Variants in ADAMTS7 observed in about 807,000 individuals in gnomAD.
The protein encoded by ADAMTS7 is A disintegrin and metalloproteinase with thrombospondin motifs 7.
A neutral mutation model predicts 172.6 loss-of-function variants in ADAMTS7; 89 were observed. The observed-to-expected ratio is 0.52, with a 90% confidence interval of 0.43 to 0.61. The LOEUF (loss-of-function observed/expected upper bound fraction) is 0.61. Among genes scored for constraint, ADAMTS7 ranks in the 20% least tolerant of loss-of-function variants. The pLI is 0.00. For missense variants in ADAMTS7, 1,973 were observed against 2,355.6 expected (o/e 0.84, Z 3.36); for synonymous variants, 885 against 978.4 (o/e 0.90, Z 1.78).
Position 78,763,772 on chromosome 15 carries a change from G to A in ADAMTS7, c.4667C>T (p.Ala1556Val), listed in dbSNP as rs754334628. Residue 1556 changes from alanine to valine, a missense_variant, in exon 22 of 24, where the codon GCG (alanine) becomes GTG (valine). Physicochemically the swap from Ala to Val is moderately conservative, Grantham distance 64 (BLOSUM62 0). Coordinates refer to ENST00000388820, the MANE Select transcript of ADAMTS7 (RefSeq NM_014272.5). ...TCPEPGLCEE[A>V]LRPNTTRPCN... ...GGGCCGGGTGGTGTTGGGTCTCAGC[G>A]CCTCCTCGCAGAGGCCTGGCTCCGG... The A allele has an allele frequency of 2.1e-5, 34 of 1,596,778 alleles. No individual in the cohort carries two copies. The highest frequency in any genetic ancestry group is 9.0e-5 in the East Asian group (4 of 44,500).
chr15:78,769,444 C>A (rs886515272), intron 16 of ADAMTS7, among the ~76,000 whole-genome samples: 2 of 152,230 alleles, frequency 1.3e-5, no homozygotes, highest in East Asian at 3.8e-4. Flanking sequence ...TGAAAACACA[C>A]CCCACTGCCG....
At chr15:78,785,324 T>C (rs10851911) in intron 8 of ADAMTS7, among the ~76,000 whole-genome samples, 98,482 of 151,854 alleles carry the variant, frequency 0.65, 33,189 homozygotes, top group Middle Eastern at 0.78. Context: ...GCCAAGGTGG[T>C]GAATCACTTG....
At chr15:78,797,833 T>C (rs1312469632) in intron 3 of ADAMTS7, 115 bp downstream of exon 3, 17 of 1,179,290 alleles carry the variant, frequency 1.4e-5, no homozygotes, top group Non-Finnish European at 2.0e-5. Flanking sequence ...TGTCTGTCTG[T>C]GTCATCTGGT....
At chr15:78,768,289 G>A (rs1291764798) in intron 16 of ADAMTS7, 30 bp from the exon 17 acceptor site, 2 of 1,609,434 alleles carry the variant, frequency 1.2e-6, no homozygotes, top group South Asian at 2.2e-5. Flanking sequence ...GCCTGGGACT[G>A]GCACCCAGGT....
chr15:78,803,724 A>C (rs1264515578), intron 1 of ADAMTS7, among the ~76,000 whole-genome samples: 1 of 152,212 alleles, frequency 6.6e-6, no homozygotes, highest in East Asian at 1.9e-4. Flanking sequence ...AAGTGCTAGG[A>C]TTACAGGCGT....
Position 78,764,249 on chromosome 15 carries a change from G to A in ADAMTS7, c.4420-150C>T, listed in dbSNP as rs182109448. 811 of 1,224,276 alleles carry A rather than the reference G, an allele frequency of 6.6e-4. 3 individuals are homozygous for A. In the African/African-American group the frequency reaches 0.012, roughly 18 times the overall value. 75.8% of individuals were successfully genotyped at this position (1,224,276 alleles called of 1,614,324 possible). Reference sequence around the variant, plus strand: ...CCCAGCGAGAGGCCAAGGCTGGCAGGCCCCAGGCAAAAGGTGGCATGGCCA... The same window carrying A: ...CCCAGCGAGAGGCCAAGGCTGGCAGACCCCAGGCAAAAGGTGGCATGGCCA... On this transcript the variant is annotated intron_variant, in intron 20 of 23. Coordinates refer to ENST00000388820, the MANE Select transcript of ADAMTS7 (RefSeq NM_014272.5).
intron 13 of ADAMTS7, among the ~76,000 whole-genome samples, chr15:78,773,563 G>A (rs1340010084): frequency 6.6e-6 from 1 of 151,990 alleles, no homozygotes; most frequent in Non-Finnish European, 1.5e-5. Context: ...AGGCACTGGG[G>A]GTTGGCACCT....
rs2055650436 is a variant in ADAMTS7 at position 78,796,740 on chromosome 15, C to T, written c.669G>A (p.Gln223=). Residue 223 remains glutamine, a synonymous_variant, in exon 4 of 24, where the codon CAG becomes CAA. Transcript: ENST00000388820. ...GCCTCAGCCGTGGCCGCCGCCACTG[C>T]TGCCGCTGCTCCCAACGCTCCCGTC... The part of the protein sequence containing the change: ...ESRRERWEQR[Q]QWRRPRLRRL... 1 of 1,612,450 alleles carries T rather than the reference C, an allele frequency of 6.2e-7. No homozygotes were observed. The highest frequency in any genetic ancestry group is 2.2e-5 in the East Asian group (1 of 44,890).
rs367822539 is a variant in ADAMTS7 at position 78,798,133 on chromosome 15, G to A, written c.457-20C>T. 7 of 1,537,716 alleles carry A rather than the reference G, an allele frequency of 4.6e-6. No individual in the cohort carries two copies. The highest frequency in any genetic ancestry group is 1.4e-5 in the African/African-American group (1 of 69,920). ...ACCTTTCTGGGGAAGAAGCACCAGG[G>A]TCACACAGGGAGGGCTGGCCCTCAG... On this transcript the variant is annotated intron_variant, in intron 2 of 23. Coordinates refer to ENST00000388820, the MANE Select transcript of ADAMTS7 (RefSeq NM_014272.5).
At chr15:78,797,033 C>T (rs904057692) in intron 3 of ADAMTS7, among the ~76,000 whole-genome samples, 3 of 152,202 alleles carry the variant, frequency 2.0e-5, no homozygotes, top group Non-Finnish European at 4.4e-5. Context: ...ACAGGGGGAC[C>T]TCAAAGGGCA....
At chr15:78,801,458 G>A (rs1429670009) in intron 1 of ADAMTS7, among the ~76,000 whole-genome samples, 1 of 152,006 alleles carries the variant, frequency 6.6e-6, no homozygotes, top group African/African-American at 2.4e-5. Context: ...TTCACTTTTG[G>A]GTTGTTGTTC....
chr15:78,789,866 G>T (rs2055555529), intron 6 of ADAMTS7, 28 bp from the exon 7 acceptor site: 1 of 1,556,938 alleles, frequency 6.4e-7, no homozygotes, highest in East Asian at 2.4e-5. Flanking sequence ...CAGCCTTCAG[G>T]CTAACCTGGC....
rs986714527 is a variant in ADAMTS7, at chr15:78,800,492, G to C, written c.156C>G (p.Asp52Glu). 1.7e-5 allele frequency: 27 copies of C among 1,608,888 alleles called. No individual in the cohort carries two copies. In the African/African-American group the frequency reaches 3.2e-4, roughly 19 times the overall value. The part of the protein sequence containing the change: ...ALDIVHPVRV[D>E]AGGSFLSYEL... Reference sequence around the variant, plus strand: ...CGTAGGACAGGAAGGAGCCCCCCGCGTCGACTCGAACCGGGTGCACGATGT... The same window carrying C: ...CGTAGGACAGGAAGGAGCCCCCCGCCTCGACTCGAACCGGGTGCACGATGT... Residue 52 changes from aspartate to glutamate, a missense_variant, in exon 2 of 24, where the codon GAC (aspartate) becomes GAG (glutamate). Asp to Glu is a conservative substitution (Grantham distance 45, BLOSUM62 2). Coordinates refer to ENST00000388820, the MANE Select transcript of ADAMTS7 (RefSeq NM_014272.5).
chr15:78,806,803 G>C (rs12592721), intron 1 of ADAMTS7, among the ~76,000 whole-genome samples: 49,645 of 151,910 alleles, frequency 0.33, 9,374 homozygotes, highest in Non-Finnish European at 0.44. Context: ...TTTCGTTCTT[G>C]TCCCCCAGGC....
chr15:78,811,450 GAGAAAGAAAGAA>G lies in ADAMTS7; in HGVS notation c.-242_-231del, dbSNP rs988538324. The G allele has an allele frequency of 2.8e-6, 1 of 357,228 alleles. No individual in the cohort carries two copies. The highest frequency in any genetic ancestry group is 2.1e-5 in the African/African-American group (1 of 46,958). The allele number at this position is 357,228 out of a possible 1,614,324, so 22.1% of individuals were successfully genotyped here. ...AGAAAAGACAAGAGAGCTAGAAGGA[GAGAAAGAAAGAA>G]AGAAAGAAAGGGAGGGAGAGTGAGG... On this transcript the variant is annotated 5_prime_UTR_variant, in exon 1 of 24. Transcript: ENST00000388820.
rs199718294 is a variant in ADAMTS7 at position 78,766,999 on chromosome 15, T to C, written c.2912A>G (p.Asn971Ser). The change falls in exon 19 of 24, where the codon AAT becomes AGT. Residue 971 changes from asparagine (N) to serine (S), a missense_variant. By Grantham distance (46) the Asn-to-Ser change is conservative. This residue lies in a region of ADAMTS7 where 771 missense variants were observed against 952.6 expected (regional missense o/e 0.81). Coordinates refer to ENST00000388820, the MANE Select transcript of ADAMTS7 (RefSeq NM_014272.5). ...GTQRRNVLCTNDTGVPCDEAQ... is the reference protein window; with the variant it reads ...GTQRRNVLCTSDTGVPCDEAQ... ...CTCGTCACAGGGGACACCGGTGTCA[T>C]TGGTGCAGAGGACATTTCGGCGCTG... 1.4e-4 allele frequency: 221 copies of C among 1,600,258 alleles called. No individual in the cohort carries two copies. The highest frequency in any genetic ancestry group is 6.0e-4 in the East Asian group (27 of 44,812).
At chr15:78,778,120 C>T (rs1181746618) in intron 8 of ADAMTS7, among the ~76,000 whole-genome samples, 1 of 152,232 alleles carries the variant, frequency 6.6e-6, no homozygotes, top group East Asian at 1.9e-4. Context: ...GTTTCCCCCA[C>T]ACCCCGACAG....
In ADAMTS7 at chr15:78,767,529, C is replaced by G. The variant is rs749744954; in HGVS notation, c.2709G>C (p.Arg903=). ...SSCGPGGLSR[R]AVLCIRSVGL... is the part of the protein sequence containing the mutation. ...CCACGCTGCGGATGCAGAGCACGGC[C>G]CGGCGGGAGAGGCCCCCAGGCCCGC... is the stretch of plus-strand genomic sequence containing the variant. The change falls in exon 18 of 24, where the codon CGG becomes CGC. Residue 903 remains arginine, a synonymous_variant. Coordinates refer to ENST00000388820, the MANE Select transcript of ADAMTS7 (RefSeq NM_014272.5). 47 of 1,594,062 alleles carry G rather than the reference C, an allele frequency of 2.9e-5. No individual in the cohort carries two copies. Among genetic ancestry groups the G allele is most frequent in the Non-Finnish European group, 3.8e-5 (45 of 1,171,710 alleles).
chr15:78,779,073 C>T (rs1260112258), intron 8 of ADAMTS7, among the ~76,000 whole-genome samples: 9 of 152,268 alleles, frequency 5.9e-5, no homozygotes, highest in Non-Finnish European at 4.4e-5. Context: ...CGACCAGTGA[C>T]AGGCCCCCGG....
Sources: allele counts gnomAD v4.1 joint callset (sites outside exome capture counted in the v4.1 genomes callset), GRCh38; gene constraint gnomAD v4.1.1; regional missense constraint gnomAD v4.1.1; transcripts MANE v1.5; gene names NCBI Gene and HGNC (gene_info 2026-07-23, HGNC 2026-07-21).